The following IL1RN variants were observed in gnomAD, a reference collection of about 807,000 sequenced individuals.
IL1RN encodes interleukin-1 receptor antagonist protein.
IL1RN carries 10 observed loss-of-function variants against 13.7 expected under a neutral mutation model. The observed-to-expected ratio is 0.73, with a 90% CI of 0.45 to 1.24. The LOEUF (loss-of-function observed/expected upper bound fraction) is 1.24. Ranked by LOEUF, IL1RN falls within the 50% of genes most tolerant of loss-of-function variation. The pLI, the probability that IL1RN is intolerant of heterozygous loss-of-function variation, is 0.00. For missense variants in IL1RN, 213 were observed against 222.1 expected (o/e 0.96, Z 0.26); for synonymous variants, 102 against 82.7 (o/e 1.23, Z -1.27).
chr2:113,107,543 G>T (rs1220911488), upstream of IL1RN, among the ~76,000 whole-genome samples: 1 of 149,170 alleles, frequency 6.7e-6, no homozygotes, highest in African/African-American at 2.5e-5. Context: ...GGCCAACATG[G>T]TGAAACCCCA....
chr2:113,119,774 G>A (rs1284690292), intron 1 of IL1RN, among the ~76,000 whole-genome samples: 3 of 152,202 alleles, frequency 2.0e-5, no homozygotes, highest in African/African-American at 7.2e-5. Context: ...CGGGAAAAAA[G>A]TGCAATAAGC....
chr2:113,107,262 A>G (rs934709792), upstream of IL1RN: 2 of 152,250 alleles, frequency 1.3e-5, no homozygotes, highest in Non-Finnish European at 1.5e-5. Context: ...GAAATTCACC[A>G]GAGATACATT....
chr2:113,105,952 T>C (rs1338596712), upstream of IL1RN, among the ~76,000 whole-genome samples: 1 of 152,160 alleles, frequency 6.6e-6, no homozygotes, highest in Non-Finnish European at 1.5e-5. Flanking sequence ...TCTGGAAGAG[T>C]TGGAACAAGA....
chr2:113,110,072 C>T (rs1686469317), upstream of IL1RN, among the ~76,000 whole-genome samples: 1 of 152,120 alleles, frequency 6.6e-6, no homozygotes. Flanking sequence ...ACCTTCAAAA[C>T]GTGTTTAGAT....
At chr2:113,108,567 G>A (rs1176098191), upstream of IL1RN, among the ~76,000 whole-genome samples, 1 of 151,958 alleles carries the variant, frequency 6.6e-6, no homozygotes, top group Non-Finnish European at 1.5e-5. Flanking sequence ...TTATTTTAAG[G>A]TTAGCTGATT....
upstream of IL1RN, among the ~76,000 whole-genome samples, chr2:113,109,041 G>T (rs1686429218): frequency 6.6e-6 from 1 of 151,176 alleles, no homozygotes. Context: ...AAGGGGAATG[G>T]AATAAGAAAA....
the IL1RN span, among the ~76,000 whole-genome samples, chr2:113,100,206 G>C: frequency 4.0e-5 from 6 of 151,404 alleles, no homozygotes; most frequent in South Asian, 6.3e-4. Flanking sequence ...GGCGCCTGTA[G>C]TGCCAGCTAC....
At chr2:113,112,657 T>A (rs887267531) in intron 1 of IL1RN, among the ~76,000 whole-genome samples, 2 of 152,212 alleles carry the variant, frequency 1.3e-5, no homozygotes, top group African/African-American at 4.8e-5. Context: ...TCTTCCTCCA[T>A]CTTCCTCCTC....
intron 2 of IL1RN, chr2:113,121,329 T>C (rs1203899146): frequency 2.8e-6 from 1 of 352,746 alleles, no homozygotes. Flanking sequence ...ACAGCTGTTA[T>C]GTGGACAAAA....
At chr2:113,119,875 G>T (rs889786457) in intron 1 of IL1RN, among the ~76,000 whole-genome samples, 3 of 152,152 alleles carry the variant, frequency 2.0e-5, no homozygotes, top group African/African-American at 7.2e-5. Context: ...GCCCAGCACA[G>T]AACAGGGTGC....
At chr2:113,120,655 G>T (rs1686741410) in intron 2 of IL1RN, among the ~76,000 whole-genome samples, 1 of 152,170 alleles carries the variant, frequency 6.6e-6, no homozygotes, top group African/African-American at 2.4e-5. Context: ...CAGGTAAAGA[G>T]CTTTCCCTGT....
At position 113,133,002 on chromosome 2, in the gene IL1RN, G is replaced by A. The variant is rs933318004; in HGVS notation, c.*131G>A. The A allele has an allele frequency of 4.7e-5, 40 of 845,580 alleles. No individual in the cohort carries two copies. Among genetic ancestry groups the A allele is most frequent in the Admixed American group, 4.3e-4 (22 of 51,116 alleles). The allele number at this position is 845,580 out of a possible 1,614,324, so 52.4% of individuals were successfully genotyped here. A position where few individuals can be genotyped will look rare whatever the true frequency, so the allele number is the denominator to read the frequency against. ...ATTGAGGGGTGGACCCTCAGAAGGC[G>A]TCACAACAACCTGGTCACAGGACTC... On this transcript the variant is annotated 3_prime_UTR_variant, in exon 4 of 4. Transcript: ENST00000409930.
chr2:113,116,741 T>C (rs1223152209), upstream of IL1RN, among the ~76,000 whole-genome samples: 1 of 152,258 alleles, frequency 6.6e-6, no homozygotes, highest in Non-Finnish European at 1.5e-5. Flanking sequence ...AGTAGGCTGG[T>C]CTGCTCCTTC....
chr2:113,132,427 G>A (rs567578044), intron 3 of IL1RN, among the ~76,000 whole-genome samples: 47 of 152,310 alleles, frequency 3.1e-4, no homozygotes, highest in African/African-American at 8.7e-4. Flanking sequence ...CAGCCTAGGC[G>A]ACAGAGCAAG....
upstream of IL1RN, among the ~76,000 whole-genome samples, chr2:113,110,213 G>A (rs570238272): frequency 6.6e-6 from 1 of 152,306 alleles, no homozygotes; most frequent in South Asian, 2.1e-4. Flanking sequence ...TCCTGTTCTG[G>A]TCCGGCAGTA....
upstream of IL1RN, chr2:113,127,488 G>A (rs1278794904): frequency 9.0e-6 from 13 of 1,442,306 alleles, no homozygotes; most frequent in Non-Finnish European, 1.1e-5. Flanking sequence ...TTCTCTTTTT[G>A]GAAATGCGAG....
At chr2:113,116,313 C>G (rs1573281812), upstream of IL1RN, among the ~76,000 whole-genome samples, 1 of 152,350 alleles carries the variant, frequency 6.6e-6, no homozygotes, top group East Asian at 1.9e-4. Flanking sequence ...TACGAAGTTT[C>G]CAGGTTTACA....
At chr2:113,128,193 T>C (rs1017475249) in intron 1 of IL1RN, among the ~76,000 whole-genome samples, 2 of 152,266 alleles carry the variant, frequency 1.3e-5, no homozygotes. Context: ...AGAGTCACGA[T>C]AACTCCTTGT....
At chr2:113,132,511 G>T in intron 3 of IL1RN, 145 bp from the exon 4 acceptor site, 1 of 704,972 alleles carries the variant, frequency 1.4e-6, no homozygotes, top group South Asian at 1.5e-5. Context: ...GCAGACAGGA[G>T]CACCTGGGGG....
Sources: allele counts gnomAD v4.1 joint callset (sites outside exome capture counted in the v4.1 genomes callset), GRCh38; gene constraint gnomAD v4.1.1; transcripts MANE v1.5; gene names NCBI Gene and HGNC (gene_info 2026-07-23, HGNC 2026-07-21).